GRK3: variants seen among roughly 807,000 people sequenced by gnomAD.
The protein encoded by GRK3 is adrenergic, beta, receptor kinase 2.
In GRK3, 54 loss-of-function variants were observed where a neutral mutation model predicts 95.7. The ratio of observed to expected loss-of-function variants is 0.56; its 90% CI spans 0.45 to 0.71. The LOEUF (loss-of-function observed/expected upper bound fraction) is 0.71, where lower values mean the gene tolerates loss of function less well. Ranked by LOEUF, GRK3 falls within the 30% of genes least tolerant of loss-of-function variation. The pLI is 0.00. For missense variants in GRK3, 649 were observed against 851.2 expected (o/e 0.76, Z 2.96); for synonymous variants, 281 against 290.8 (o/e 0.97, Z 0.34).
intron 13 of GRK3, among the ~76,000 whole-genome samples, chr22:25,697,475 A>G (rs2085218584): frequency 6.6e-6 from 1 of 152,358 alleles, no homozygotes; most frequent in African/African-American, 2.4e-5. Context: ...CTTGACAGAC[A>G]GGAAGACATC....
chr22:25,671,743 AG>A (rs1393591610), intron 6 of GRK3, among the ~76,000 whole-genome samples: 1 of 152,244 alleles, frequency 6.6e-6, no homozygotes, highest in Non-Finnish European at 1.5e-5. Flanking sequence ...GGCTACTCTT[AG>A]AATTATTTGT....
In GRK3 at chr22:25,599,398, T is replaced by C. The variant is rs529991420; in HGVS notation, c.114-4979T>C. On this transcript the variant is annotated intron_variant, in intron 1 of 20. Coordinates refer to ENST00000324198, the MANE Select transcript of GRK3 (RefSeq NM_005160.4). The stretch of plus-strand genomic sequence containing the variant: ...ACGAGGTCAGGAGATCAAGACCATC[T>C]TGGCTAACATGGTGAAACCCCGTCT... Among the ~76,000 whole-genome samples, 11 of 151,904 alleles carry C rather than the reference T, an allele frequency of 7.2e-5. No individual in the cohort carries two copies. In the South Asian group the frequency reaches 1.0e-3, roughly 14 times the overall value.
intron 1 of GRK3, among the ~76,000 whole-genome samples, chr22:25,576,295 C>T (rs189929634): frequency 1.8e-3 from 278 of 152,270 alleles, no homozygotes; most frequent in African/African-American, 6.3e-3. Context: ...AGTCACCCCT[C>T]CTAGGAGTGG....
Position 25,690,300 on chromosome 22 carries a change from C to T in GRK3, c.1052+17C>T. On this transcript the variant is annotated intron_variant, in intron 12 of 20. Coordinates refer to ENST00000324198, the MANE Select transcript of GRK3 (RefSeq NM_005160.4). ...TGCGAGTGTGTAAGTAGTGCGTCAA[C>T]TTCAGTTCACCACCATTTCTCTCCT... The T allele has an allele frequency of 6.3e-7, 1 of 1,578,456 alleles. No individual in the cohort carries two copies. Among genetic ancestry groups the T allele is most frequent in the East Asian group, 2.2e-5 (1 of 44,710 alleles).
intron 3 of GRK3, among the ~76,000 whole-genome samples, chr22:25,652,241 T>A (rs2084836807): frequency 6.6e-6 from 1 of 152,104 alleles, no homozygotes; most frequent in African/African-American, 2.4e-5. Flanking sequence ...GAGACCATCC[T>A]GGCTAACACA....
At chr22:25,684,199 AT>A (rs2085095888) in intron 9 of GRK3, among the ~76,000 whole-genome samples, 1 of 152,280 alleles carries the variant, frequency 6.6e-6, no homozygotes, top group East Asian at 1.9e-4. Context: ...TCCCTTTTCC[AT>A]TTCATTGGTC....
intron 2 of GRK3, among the ~76,000 whole-genome samples, chr22:25,612,481 A>G (rs1569163868): frequency 6.6e-6 from 1 of 151,758 alleles, no homozygotes; most frequent in Non-Finnish European, 1.5e-5. Context: ...GAATTAGTTT[A>G]TCAGTTCTAG....
chr22:25,701,413 C>T (rs2085258028), intron 13 of GRK3, among the ~76,000 whole-genome samples: 1 of 152,114 alleles, frequency 6.6e-6, no homozygotes, highest in South Asian at 2.1e-4. Flanking sequence ...CTTGAAAGAC[C>T]AAACTGTCTG....
chr22:25,587,554 A>C (rs1690537650), intron 1 of GRK3, among the ~76,000 whole-genome samples: 1 of 152,040 alleles, frequency 6.6e-6, no homozygotes, highest in South Asian at 2.1e-4. Context: ...TCAGCCTCCC[A>C]AGTAGCTGGG....
intron 2 of GRK3, among the ~76,000 whole-genome samples, chr22:25,642,262 G>T (rs976024669): frequency 6.6e-6 from 1 of 152,044 alleles, no homozygotes; most frequent in Non-Finnish European, 1.5e-5. Flanking sequence ...GTGAAACCCC[G>T]TATCTACTAA....
At chr22:25,699,402 C>T (rs909147348) in intron 13 of GRK3, among the ~76,000 whole-genome samples, 14 of 152,104 alleles carry the variant, frequency 9.2e-5, no homozygotes, top group African/African-American at 3.4e-4. Context: ...GTCCTCAACC[C>T]TGGGGGACAC....
At chr22:25,655,947 C>CCTAA (rs1221669381) in intron 3 of GRK3, among the ~76,000 whole-genome samples, 3 of 152,200 alleles carry the variant, frequency 2.0e-5, no homozygotes, top group Non-Finnish European at 4.4e-5. Flanking sequence ...TTACGTGCAG[C>CCTAA]ATAGTGGTTG....
intron 3 of GRK3, chr22:25,649,331 C>T: frequency 1.5e-6 from 1 of 662,914 alleles, no homozygotes; most frequent in South Asian, 2.0e-5. Flanking sequence ...CTTCTTTACT[C>T]TGCACATTTT....
At chr22:25,670,481 A>G (rs1009590425) in intron 6 of GRK3, among the ~76,000 whole-genome samples, 6 of 152,064 alleles carry the variant, frequency 3.9e-5, no homozygotes, top group Non-Finnish European at 8.8e-5. Context: ...GGCCTGGGAC[A>G]CAGAGTGAGA....
At chr22:25,651,632 A>C (rs1161338733) in intron 3 of GRK3, among the ~76,000 whole-genome samples, 3 of 152,208 alleles carry the variant, frequency 2.0e-5, no homozygotes, top group Non-Finnish European at 4.4e-5. Context: ...AAGTATATTC[A>C]AAAGGGTAAC....
intron 2 of GRK3, among the ~76,000 whole-genome samples, chr22:25,643,563 T>G (rs2084758790): frequency 6.6e-6 from 1 of 152,262 alleles, no homozygotes; most frequent in Non-Finnish European, 1.5e-5. Flanking sequence ...AGTTCCTTTC[T>G]GCAGCTTCTG....
At chr22:25,653,321 T>C (rs2084847679) in intron 3 of GRK3, among the ~76,000 whole-genome samples, 1 of 152,126 alleles carries the variant, frequency 6.6e-6, no homozygotes, top group Non-Finnish European at 1.5e-5. Flanking sequence ...AACACATGGA[T>C]GGAAGAGGTG....
intron 9 of GRK3, among the ~76,000 whole-genome samples, chr22:25,682,371 C>T (rs2085081717): frequency 6.6e-6 from 1 of 152,130 alleles, no homozygotes; most frequent in Non-Finnish European, 1.5e-5. Context: ...GACTCCTACC[C>T]TCCCATGGAG....
At chr22:25,584,216 T>G (rs1932208275) in intron 1 of GRK3, among the ~76,000 whole-genome samples, 1 of 152,266 alleles carries the variant, frequency 6.6e-6, no homozygotes, top group African/African-American at 2.4e-5. Context: ...TTCAGCAGTT[T>G]CAGTTGTCTG....
Sources: gnomAD v4.1 joint callset for allele counts (sites outside exome capture counted in the v4.1 genomes callset) on GRCh38, gnomAD v4.1.1 for gene constraint, MANE v1.5 for transcripts, NCBI Gene and HGNC (gene_info 2026-07-23, HGNC 2026-07-21) for gene names.